LMNTD1: variants seen among roughly 807,000 people sequenced by gnomAD.
LMNTD1 encodes the protein lamin tail domain-containing protein 1.
In LMNTD1, 35 loss-of-function variants were observed where a neutral mutation model predicts 50.9. The observed-to-expected ratio is 0.69, with a 90% confidence interval of 0.53 to 0.91. The LOEUF (loss-of-function observed/expected upper bound fraction) is 0.91, where lower values mean the gene tolerates loss of function less well. LMNTD1 is among the 40% of genes least tolerant of loss of function. LMNTD1 has a pLI of 0.00. For synonymous variants in LMNTD1, 153 were observed against 161.9 expected (o/e 0.94, Z 0.42); for missense variants, 470 against 475.5 (o/e 0.99, Z 0.11).
intron 1 of LMNTD1, among the ~76,000 whole-genome samples, chr12:25,565,042 C>G (rs1057491133): frequency 1.3e-5 from 2 of 152,080 alleles, no homozygotes; most frequent in African/African-American, 4.8e-5. Flanking sequence ...ATAAGTATAG[C>G]TCTGCCTGCT....
At chr12:25,533,011 A>C (rs1037517352) in intron 4 of LMNTD1, among the ~76,000 whole-genome samples, 1 of 152,182 alleles carries the variant, frequency 6.6e-6, no homozygotes, top group Non-Finnish European at 1.5e-5. Context: ...GGATATTTAC[A>C]GTTGCTTTTC....
At chr12:25,501,836 T>C (rs1030628921) in intron 9 of LMNTD1, among the ~76,000 whole-genome samples, 1 of 151,330 alleles carries the variant, frequency 6.6e-6, no homozygotes, top group Non-Finnish European at 1.5e-5. Context: ...CAGGAGCTGA[T>C]AGCAATAGAT....
At chr12:25,546,334 C>A in intron 4 of LMNTD1, 40 bp downstream of exon 4, 1 of 1,336,810 alleles carries the variant, frequency 7.5e-7, no homozygotes, top group Non-Finnish European at 1.0e-6. Context: ...TTGGTCCTAC[C>A]CCGACAGAAG....
At chr12:25,616,066 C>T (rs1946347167) in intron 1 of LMNTD1, among the ~76,000 whole-genome samples, 1 of 149,460 alleles carries the variant, frequency 6.7e-6, no homozygotes, top group African/African-American at 2.5e-5. Context: ...CAGACTATAC[C>T]TCACCCTCCC....
At chr12:25,547,003 G>A (rs1008604362) in intron 3 of LMNTD1, among the ~76,000 whole-genome samples, 2 of 151,546 alleles carry the variant, frequency 1.3e-5, no homozygotes, top group African/African-American at 4.8e-5. Flanking sequence ...TTCCTGCAAT[G>A]GTTAGTACTC....
chr12:25,631,844 G>A (rs1331676636), intron 1 of LMNTD1, among the ~76,000 whole-genome samples: 1 of 152,150 alleles, frequency 6.6e-6, no homozygotes, highest in Non-Finnish European at 1.5e-5. Context: ...TAGTTATTAA[G>A]CTAATCAGGG....
chr12:25,584,467 G>A (rs1401955268), intron 1 of LMNTD1, among the ~76,000 whole-genome samples: 3 of 152,104 alleles, frequency 2.0e-5, no homozygotes, highest in Admixed American at 6.5e-5. Flanking sequence ...TTTGACTTTC[G>A]AGAATTGACT....
intron 1 of LMNTD1, among the ~76,000 whole-genome samples, chr12:25,634,703 C>T (rs923111727): frequency 1.3e-5 from 2 of 152,146 alleles, no homozygotes; most frequent in East Asian, 3.8e-4. Flanking sequence ...CAACATAATA[C>T]TGAATGAGGA....
chr12:25,558,525 A>C (rs1944135699), intron 1 of LMNTD1, among the ~76,000 whole-genome samples: 1 of 152,040 alleles, frequency 6.6e-6, no homozygotes, highest in African/African-American at 2.4e-5. Context: ...TCATTGACTC[A>C]CTGGTCATTT....
At chr12:25,589,932 G>A (rs1325115761) in intron 1 of LMNTD1, among the ~76,000 whole-genome samples, 1 of 152,098 alleles carries the variant, frequency 6.6e-6, no homozygotes, top group African/African-American at 2.4e-5. Flanking sequence ...CAGTTTACTA[G>A]GTACAGGGAG....
At chr12:25,586,803 C>A (rs941271332) in intron 1 of LMNTD1, among the ~76,000 whole-genome samples, 2 of 152,170 alleles carry the variant, frequency 1.3e-5, no homozygotes, top group Non-Finnish European at 2.9e-5. Flanking sequence ...TACTGTCAGT[C>A]AAGCCAATCC....
intron 1 of LMNTD1, among the ~76,000 whole-genome samples, chr12:25,609,598 G>A (rs1391576553): frequency 6.6e-6 from 1 of 152,176 alleles, no homozygotes; most frequent in Non-Finnish European, 1.5e-5. Flanking sequence ...CAGGTCTGTT[G>A]GGGTTTGCTG....
intron 4 of LMNTD1, among the ~76,000 whole-genome samples, chr12:25,538,666 T>A (rs1187551761): frequency 4.8e-5 from 6 of 124,026 alleles, no homozygotes; most frequent in African/African-American, 1.4e-4. Flanking sequence ...CTACATCAAC[T>A]AACGAGCAAA....
chr12:25,610,387 G>C (rs1026608950), intron 1 of LMNTD1, among the ~76,000 whole-genome samples: 1 of 152,114 alleles, frequency 6.6e-6, no homozygotes, highest in African/African-American at 2.4e-5. Context: ...AGGTACCTCA[G>C]TTGGAAATGG....
intron 9 of LMNTD1, among the ~76,000 whole-genome samples, chr12:25,476,800 C>A (rs143470638): frequency 0.017 from 2,542 of 152,230 alleles, 26 homozygotes; most frequent in South Asian, 0.029. Context: ...CTGGGCAGAA[C>A]TCCTGACTGA....
At chr12:25,498,708 A>G (rs1939208349) in intron 9 of LMNTD1, among the ~76,000 whole-genome samples, 1 of 152,178 alleles carries the variant, frequency 6.6e-6, no homozygotes, top group Admixed American at 6.5e-5. Flanking sequence ...TAACTTGTCC[A>G]CTAACTCTAG....
At position 25,519,790 on chromosome 12, in the gene LMNTD1, G is replaced by C. The variant is rs942487561; in HGVS notation, c.1016+68C>G. 4.0e-6 allele frequency: 4 copies of C among 999,094 alleles called. No homozygotes were observed. In the South Asian group the frequency reaches 4.2e-5, roughly 11 times the overall value. The allele number at this position is 999,094 out of a possible 1,614,324, so 61.9% of individuals were successfully genotyped here. A position where few individuals can be genotyped will look rare whatever the true frequency, so the allele number is the denominator to read the frequency against. On this transcript the variant is annotated intron_variant, in intron 7 of 9. Coordinates refer to ENST00000458174, the MANE Select transcript of LMNTD1 (RefSeq NM_001145728.2). ...TCACACATCCATTTGTCATCTAGTC[G>C]TTCCCACATGCTTAGTTACTAATTG...
At chr12:25,479,587 A>G (rs1329267275) in intron 9 of LMNTD1, among the ~76,000 whole-genome samples, 3 of 152,204 alleles carry the variant, frequency 2.0e-5, no homozygotes, top group African/African-American at 7.2e-5. Flanking sequence ...GCATGAGCCC[A>G]CTGCCGCACT....
intron 1 of LMNTD1, among the ~76,000 whole-genome samples, chr12:25,624,316 A>G (rs971562198): frequency 3.3e-5 from 5 of 152,116 alleles, no homozygotes; most frequent in Non-Finnish European, 7.3e-5. Context: ...AAGCTATCAA[A>G]CTCTCCTGAT....
Sources: gnomAD v4.1 joint callset for allele counts (sites outside exome capture counted in the v4.1 genomes callset) on GRCh38, gnomAD v4.1.1 for gene constraint, MANE v1.5 for transcripts, NCBI Gene and HGNC (gene_info 2026-07-23, HGNC 2026-07-21) for gene names.